PROC: variants seen among roughly 807,000 people sequenced by gnomAD.
PROC encodes protein C, inactivator of coagulation factors Va and VIIIa.
PROC carries 22 observed loss-of-function variants against 36.3 expected under a neutral mutation model. The observed-to-expected ratio is 0.61, with a 90% CI of 0.43 to 0.86. The LOEUF is 0.86. Ranked by LOEUF, PROC falls within the 40% of genes least tolerant of loss-of-function variation. The pLI is 0.00. For missense variants in PROC, 526 were observed against 629.7 expected (o/e 0.84, Z 1.76); for synonymous variants, 218 against 244.5 (o/e 0.89, Z 1.01).
intron 2 of PROC, 131 bp downstream of exon 2, chr2:127,420,143 C>A: frequency 9.0e-7 from 1 of 1,105,552 alleles, no homozygotes; most frequent in Non-Finnish European, 1.3e-6. Flanking sequence ...ATGGGAATGG[C>A]AGGAATCAAC....
In PROC at chr2:127,421,322, T is replaced by C. The variant is rs748083494; in HGVS notation, c.110T>C (p.Leu37Pro). ...FSSSERAHQV[L>P]RIRKRANSFL... ...AGCAGCGAGCGTGCCCACCAGGTGCTGCGGATCCGCAAACGTGCCAACTCC... is the reference window on the plus strand; with the variant it reads ...AGCAGCGAGCGTGCCCACCAGGTGCCGCGGATCCGCAAACGTGCCAACTCC... Residue 37 changes from leucine to proline, a missense_variant, in exon 3 of 9, where the codon CTG (leucine) becomes CCG (proline). Leu to Pro is a moderately conservative substitution (Grantham distance 98). Transcript: ENST00000234071. The C allele has an allele frequency of 6.2e-7, 1 of 1,613,902 alleles. No individual in the cohort carries two copies. The highest frequency in any genetic ancestry group is 8.5e-7 in the Non-Finnish European group (1 of 1,179,904).
chr2:127,425,689 C>A (rs1340482363), intron 6 of PROC, among the ~76,000 whole-genome samples: 1 of 149,668 alleles, frequency 6.7e-6, no homozygotes, highest in Non-Finnish European at 1.5e-5. Flanking sequence ...TGCTGCCTGG[C>A]CTGACTCTTG....
rs1384607364 is a variant in PROC, at chr2:127,429,135, A to G, written c.*189A>G. ...TGAATAGAATCTTAACTCCTAGAGC[A>G]ACTCTGTGGGGTGGGGAGGAGCAGA... On this transcript the variant is annotated 3_prime_UTR_variant, in exon 9 of 9. Transcript: ENST00000234071. 2 of 679,038 alleles carry G rather than the reference A, an allele frequency of 2.9e-6. No individual in the cohort carries two copies. The highest frequency in any genetic ancestry group is 4.9e-6 in the Non-Finnish European group (2 of 404,224). 42.1% of individuals were successfully genotyped at this position (679,038 alleles called of 1,614,324 possible).
intron 1 of PROC, among the ~76,000 whole-genome samples, chr2:127,419,230 T>C (rs2104937607): frequency 6.6e-6 from 1 of 152,240 alleles, no homozygotes; most frequent in South Asian, 2.1e-4. Flanking sequence ...CTCCTCCGAG[T>C]CTCAGTTTCC....
At chr2:127,422,990 C>G (rs755356770) in intron 4 of PROC, 44 bp from the exon 5 acceptor site, 1 of 1,612,496 alleles carries the variant, frequency 6.2e-7, no homozygotes, top group Admixed American at 1.7e-5. Context: ...CCGCGCCCCT[C>G]GGGATCTCTG....
rs1302790447 is a variant in PROC, at chr2:127,418,920, C to G, written c.-22+428C>G. 6.6e-6 allele frequency among the ~76,000 whole-genome samples: 1 copy of G among 152,192 alleles called. No individual in the cohort carries two copies. Among genetic ancestry groups the G allele is most frequent in the Non-Finnish European group, 1.5e-5 (1 of 68,030 alleles). On this transcript the variant is annotated intron_variant, in intron 1 of 8. Transcript: ENST00000234071. The surrounding 1 kb of genome is among the most constrained non-coding windows in gnomAD (Gnocchi z 4.8). The stretch of plus-strand genomic sequence containing the variant: ...GGAGGGTTCCTTGATCTCTGGCCAC[C>G]AGGGCTATCTCTGTGGCCTTTTGGA...
At position 127,423,170 on chromosome 2, in the gene PROC, CGG is replaced by C; in HGVS notation, c.400_400+1del. ...GCTGGGAGGGCCGCTTCTGCCAGCG[CGG>C]TGAGGGGGAGAGGTGGATGCTGGCG... On this transcript the variant is annotated splice_donor_variant and coding_sequence_variant, in exon 5 of 9. Coordinates refer to ENST00000234071, the MANE Select transcript of PROC (RefSeq NM_000312.4). LOFTEE classifies it high-confidence loss of function. 1 of 1,494,778 alleles carries C rather than the reference CGG, an allele frequency of 6.7e-7. No individual in the cohort carries two copies. Among genetic ancestry groups the C allele is most frequent in the Non-Finnish European group, 9.0e-7 (1 of 1,110,718 alleles). The allele number at this position is 1,494,778 out of a possible 1,614,324, so 92.6% of individuals were successfully genotyped here. A position where few individuals can be genotyped will look rare whatever the true frequency, so the allele number is the denominator to read the frequency against.
At chr2:127,423,499 G>C (rs1368324531) in intron 6 of PROC, 91 bp downstream of exon 6, 1 of 1,474,652 alleles carries the variant, frequency 6.8e-7, no homozygotes, top group South Asian at 1.3e-5. Context: ...GGCTCAGGAG[G>C]GTTTCTAGGG....
intron 6 of PROC, among the ~76,000 whole-genome samples, chr2:127,424,325 G>C (rs1688343908): frequency 6.6e-6 from 1 of 151,986 alleles, no homozygotes; most frequent in South Asian, 2.1e-4. Flanking sequence ...GCAGCCTCCC[G>C]AGTAGCTGGG....
At position 127,426,223 on chromosome 2, in the gene PROC, G is replaced by C. The variant is rs1484428891; in HGVS notation, c.674G>C (p.Trp225Ser). The C allele has an allele frequency of 1.2e-6, 2 of 1,613,898 alleles. No individual in the cohort carries two copies. The change falls in exon 7 of 9, where the codon TGG (tryptophan) becomes TCG (serine). Residue 225 changes from tryptophan (W) to serine (S), a missense_variant. Trp to Ser is a radical substitution (Grantham distance 177). Transcript: ENST00000234071. This position sits in a 1 kb window ranked among gnomAD's most constrained non-coding sequence, Gnocchi z 7.0. ...GKMTRRGDSP[W>S]QVVLLDSKKK... Reference sequence around the variant, plus strand: ...ATGACCAGGCGGGGAGACAGCCCCTGGCAGGTGGGAGGCGAGGCAGCACCG... The same window carrying C: ...ATGACCAGGCGGGGAGACAGCCCCTCGCAGGTGGGAGGCGAGGCAGCACCG...
intron 3 of PROC, among the ~76,000 whole-genome samples, 191 bp from the exon 4 acceptor site, chr2:127,422,726 G>C (rs1688177215): frequency 6.6e-6 from 1 of 152,046 alleles, no homozygotes; most frequent in African/African-American, 2.4e-5. Context: ...GGGCGCGGGC[G>C]GGTGGCGCTG....
chr2:127,427,569 G>A (rs1386285863), intron 8 of PROC, among the ~76,000 whole-genome samples: 1 of 152,154 alleles, frequency 6.6e-6, no homozygotes, highest in Non-Finnish European at 1.5e-5. Flanking sequence ...GACCAGCAAG[G>A]CCTGGCCTCA....
chr2:127,421,856 G>A (rs986243495), intron 3 of PROC, among the ~76,000 whole-genome samples: 5 of 152,164 alleles, frequency 3.3e-5, no homozygotes, highest in Non-Finnish European at 2.9e-5. Context: ...ACATAAAATC[G>A]CTCACTCTGT....
Position 127,428,831 on chromosome 2 carries a change from A to G in PROC, c.1271A>G (p.Glu424Gly), listed in dbSNP as rs1368084354. The change falls in exon 9 of 9, where the codon GAG (glutamate) becomes GGG (glycine). Residue 424 changes from glutamate to glycine, a missense_variant. Coordinates refer to ENST00000234071, the MANE Select transcript of PROC (RefSeq NM_000312.4). Reference protein sequence around the residue: ...WFLVGLVSWGEGCGLLHNYGV... With the variant: ...WFLVGLVSWGGGCGLLHNYGV... ...CTGGTGGGCCTGGTGAGCTGGGGTG[A>G]GGGCTGTGGGCTCCTTCACAACTAC... The G allele has an allele frequency of 6.2e-7, 1 of 1,612,344 alleles. No individual in the cohort carries two copies. Among genetic ancestry groups the G allele is most frequent in the South Asian group, 1.1e-5 (1 of 91,060 alleles).
At chr2:127,423,724 A>G in intron 6 of PROC, 1 of 401,792 alleles carries the variant, frequency 2.5e-6, no homozygotes, top group Non-Finnish European at 4.5e-6. Context: ...CCCCAGTCTG[A>G]GCGTATCTGG....
rs780422419 is a variant in PROC, at chr2:127,428,760, C to T, written c.1200C>T (p.Gly400=). 8.5e-5 allele frequency: 137 copies of T among 1,613,024 alleles called. No individual in the cohort carries two copies. Among genetic ancestry groups the T allele is most frequent in the Non-Finnish European group, 1.1e-4 (128 of 1,179,908 alleles). ...ILGDRQDACE[G]DSGGPMVASF... ...GGGACCGGCAGGATGCCTGCGAGGGCGACAGTGGGGGGCCCATGGTCGCCT... is the reference window on the plus strand; with the variant it reads ...GGGACCGGCAGGATGCCTGCGAGGGTGACAGTGGGGGGCCCATGGTCGCCT... The change falls in exon 9 of 9, where the codon GGC becomes GGT. Residue 400 remains glycine (G), a synonymous_variant. Transcript: ENST00000234071.
At position 127,419,904 on chromosome 2, in the gene PROC, C is replaced by T; in HGVS notation, c.-21-18C>T. 1 of 1,613,828 alleles carries T rather than the reference C, an allele frequency of 6.2e-7. No homozygotes were observed. The highest frequency in any genetic ancestry group is 8.5e-7 in the Non-Finnish European group (1 of 1,179,956). ...CAGCGGGGGTAGGCACTGCCCGGAG[C>T]TCAGAAGTCCTCCTCAGACAGGTGC... On this transcript the variant is annotated intron_variant, in intron 1 of 8. Transcript: ENST00000234071.
intron 6 of PROC, among the ~76,000 whole-genome samples, chr2:127,425,660 A>C (rs1028326247): frequency 1.3e-5 from 2 of 152,178 alleles, no homozygotes; most frequent in African/African-American, 4.8e-5. Context: ...CTATGTAAGG[A>C]GACACAGGCA....
chr2:127,424,679 T>TA (rs201558031), intron 6 of PROC, among the ~76,000 whole-genome samples: 1,789 of 152,214 alleles, frequency 0.012, 27 homozygotes, highest in African/African-American at 0.04. Flanking sequence ...TCTCTATTTT[T>TA]AAAAAAAGTA....
Sources: gnomAD v4.1 joint callset for allele counts (sites outside exome capture counted in the v4.1 genomes callset) on GRCh38, gnomAD v4.1.1 for gene constraint, Gnocchi (gnomAD v3.1) non-coding constraint, MANE v1.5 for transcripts, NCBI Gene and HGNC (gene_info 2026-07-23, HGNC 2026-07-21) for gene names.